The following PDE4D variants were observed in gnomAD, a reference collection of about 807,000 sequenced individuals.
PDE4D encodes the protein phosphodiesterase 4D, also known as 3',5'-cyclic-AMP phosphodiesterase 4D.
In PDE4D, 24 loss-of-function variants were observed where a neutral mutation model predicts 87.4. The observed-to-expected ratio is 0.27, with a 90% CI of 0.20 to 0.39. PDE4D has a LOEUF of 0.39. Among genes scored for constraint, PDE4D ranks in the 10% least tolerant of loss-of-function variants. PDE4D has a pLI of 1.00. For synonymous variants in PDE4D, 384 were observed against 383.2 expected (o/e 1.00, Z -0.02); for missense variants, 714 against 1,041.0 (o/e 0.69, Z 4.32).
intron 1 of PDE4D, among the ~76,000 whole-genome samples, chr5:59,878,419 C>T (rs1002179530): frequency 2.0e-5 from 3 of 152,138 alleles, no homozygotes; most frequent in East Asian, 1.9e-4. Context: ...AACAAAACTG[C>T]AAGATTTTAA....
At chr5:59,185,378 T>C in intron 3 of PDE4D, 116 bp from the exon 4 acceptor site, 1 of 677,272 alleles carries the variant, frequency 1.5e-6, no homozygotes, top group Non-Finnish European at 2.6e-6. Flanking sequence ...CATATACCAC[T>C]AAAGAATCTC....
chr5:59,833,524 G>A (rs1021672711), intron 1 of PDE4D, among the ~76,000 whole-genome samples: 1 of 152,036 alleles, frequency 6.6e-6, no homozygotes, highest in Non-Finnish European at 1.5e-5. Flanking sequence ...AGAAAACTCA[G>A]AAAGAACTTT....
intron 5 of PDE4D, among the ~76,000 whole-genome samples, chr5:59,044,161 C>T (rs1297277498): frequency 1.3e-5 from 2 of 152,200 alleles, no homozygotes; most frequent in African/African-American, 2.4e-5. Flanking sequence ...AACTAGTTTA[C>T]AGTCCCACCA....
intron 1 of PDE4D, among the ~76,000 whole-genome samples, chr5:59,657,039 C>T (rs1744479925): frequency 6.6e-6 from 1 of 152,030 alleles, no homozygotes; most frequent in African/African-American, 2.4e-5. Flanking sequence ...AGGCACGTGG[C>T]AAGAATTCAA....
At chr5:58,976,830 G>A (rs773992881) in intron 12 of PDE4D, among the ~76,000 whole-genome samples, 1 of 152,190 alleles carries the variant, frequency 6.6e-6, no homozygotes, top group South Asian at 2.1e-4. Flanking sequence ...AAAGAGTAAA[G>A]TCATGGATGT....
chr5:59,891,394 G>A (rs972321696), intron 1 of PDE4D, among the ~76,000 whole-genome samples: 4 of 151,942 alleles, frequency 2.6e-5, no homozygotes, highest in Admixed American at 6.6e-5. Flanking sequence ...ATCATCACAC[G>A]GTATTTTTCT....
intron 1 of PDE4D, among the ~76,000 whole-genome samples, chr5:59,668,845 G>GGAGGAAGAAGAAGAAGAA (rs1746602460): frequency 1.6e-5 from 1 of 62,124 alleles, no homozygotes; most frequent in Admixed American, 1.7e-4. Context: ...AAGAGGAAGA[G>GGAGGAAGAAGAAGAAGAA]GAAGAAGAAG....
At chr5:60,332,879 T>G (rs1204198356) in intron 1 of PDE4D, among the ~76,000 whole-genome samples, 1 of 152,172 alleles carries the variant, frequency 6.6e-6, no homozygotes, top group African/African-American at 2.4e-5. Flanking sequence ...AACAGAGAAG[T>G]CAAAGGGTAG....
intron 1 of PDE4D, among the ~76,000 whole-genome samples, chr5:59,534,439 G>A (rs990167394): frequency 2.0e-5 from 3 of 152,186 alleles, no homozygotes; most frequent in Non-Finnish European, 4.4e-5. Flanking sequence ...AAAGTCCTGA[G>A]ACAGCCTCAA....
chr5:60,191,152 A>T (rs1024248069), intron 1 of PDE4D, among the ~76,000 whole-genome samples: 3 of 151,996 alleles, frequency 2.0e-5, no homozygotes, highest in African/African-American at 7.3e-5. Flanking sequence ...ATTTCTACTG[A>T]CTCTGAGGTC....
At chr5:59,425,518 A>T (rs1562163664) in intron 1 of PDE4D, among the ~76,000 whole-genome samples, 1 of 152,150 alleles carries the variant, frequency 6.6e-6, no homozygotes, top group Non-Finnish European at 1.5e-5. Context: ...TGAGAGGTGG[A>T]GGGTAGAATT....
intron 1 of PDE4D, among the ~76,000 whole-genome samples, chr5:60,253,881 G>A (rs879394541): frequency 6.6e-6 from 1 of 151,816 alleles, no homozygotes; most frequent in South Asian, 2.1e-4. Flanking sequence ...ACAGAGTAAA[G>A]GGAACCTGAT....
intron 1 of PDE4D, among the ~76,000 whole-genome samples, chr5:60,386,632 G>A (rs1180832738): frequency 6.6e-6 from 1 of 152,150 alleles, no homozygotes; most frequent in Non-Finnish European, 1.5e-5. Context: ...GCAGCCCTGC[G>A]CATGAACTTT....
chr5:60,144,577 A>G (rs1780834666), intron 2 of PDE4D, among the ~76,000 whole-genome samples: 1 of 152,160 alleles, frequency 6.6e-6, no homozygotes, highest in South Asian at 2.1e-4. Flanking sequence ...TCTGGTCTTC[A>G]TTCATTTTAT....
intron 3 of PDE4D, among the ~76,000 whole-genome samples, chr5:59,979,421 GGT>G (rs60199601): frequency 1.0e-3 from 155 of 147,692 alleles, no homozygotes; most frequent in African/African-American, 3.5e-3. Context: ...CACAGCAAGG[GGT>G]GTGTGTGTGT....
At chr5:60,342,251 C>A (rs921925455) in intron 1 of PDE4D, among the ~76,000 whole-genome samples, 2 of 152,176 alleles carry the variant, frequency 1.3e-5, no homozygotes, top group Non-Finnish European at 2.9e-5. Flanking sequence ...TCTTTAAAAT[C>A]ATCTCCTGCT....
At chr5:59,027,677 T>G (rs1230978386) in intron 6 of PDE4D, among the ~76,000 whole-genome samples, 1 of 152,198 alleles carries the variant, frequency 6.6e-6, no homozygotes, top group Non-Finnish European at 1.5e-5. Flanking sequence ...CTTCAGTATA[T>G]TCCCACGGGT....
In PDE4D at chr5:59,221,261, C is replaced by T. The variant is rs75715672; in HGVS notation, c.456-5293G>A. Among the ~76,000 whole-genome samples the T allele has an allele frequency of 9.6e-3, 1,463 of 152,238 alleles. 26 individuals are homozygous for T. Among genetic ancestry groups the T allele is most frequent in the African/African-American group, 0.034 (1,410 of 41,530 alleles). ...ATACAAGAATACCTTTTAGCTTCCT[C>T]ACCTGCAGGGAACTTTTGAAAGTAA... is the stretch of plus-strand genomic sequence containing the variant. On this transcript the variant is annotated intron_variant, in intron 1 of 14. Transcript: ENST00000340635.
At chr5:59,303,783 G>A (rs952373431) in intron 1 of PDE4D, among the ~76,000 whole-genome samples, 2 of 152,068 alleles carry the variant, frequency 1.3e-5, no homozygotes, top group African/African-American at 4.8e-5. Context: ...TGCCATTTTG[G>A]TGACTATGGC....
Sources: allele counts gnomAD v4.1 joint callset (sites outside exome capture counted in the v4.1 genomes callset), GRCh38; gene constraint gnomAD v4.1.1; transcripts MANE v1.5; gene names NCBI Gene and HGNC (gene_info 2026-07-23, HGNC 2026-07-21).